OPCML: variants seen among roughly 807,000 people sequenced by gnomAD.
OPCML encodes opioid binding protein/cell adhesion molecule like, also known as opioid-binding protein/cell adhesion molecule.
A neutral mutation model predicts 37.8 loss-of-function variants in OPCML; 13 were observed. The observed-to-expected ratio is 0.34, with a 90% CI of 0.22 to 0.55. The LOEUF is 0.55. OPCML is among the 20% of genes least tolerant of loss of function. OPCML has a pLI of 0.91. For missense variants in OPCML, 341 were observed against 435.6 expected (o/e 0.78, Z 1.93); for synonymous variants, 176 against 168.8 (o/e 1.04, Z -0.33).
chr11:132,966,775 G>A (rs1218700162), intron 1 of OPCML, among the ~76,000 whole-genome samples: 1 of 151,970 alleles, frequency 6.6e-6, no homozygotes, highest in Admixed American at 6.5e-5. Context: ...TATTCCTGAT[G>A]GATTGACCCT....
intron 1 of OPCML, among the ~76,000 whole-genome samples, chr11:133,082,403 C>T (rs1948739523): frequency 1.5e-5 from 2 of 135,856 alleles, no homozygotes; most frequent in African/African-American, 5.5e-5. Flanking sequence ...TCCCCCGCAC[C>T]CCTCCTCTCC....
At chr11:132,636,928 G>C (rs796819873) in intron 3 of OPCML, among the ~76,000 whole-genome samples, 4 of 152,246 alleles carry the variant, frequency 2.6e-5, no homozygotes, top group African/African-American at 9.6e-5. Flanking sequence ...AAATTTCAAA[G>C]GTTCTAATAC....
chr11:132,486,861 C>A (rs1391519350), intron 4 of OPCML, among the ~76,000 whole-genome samples: 2 of 152,100 alleles, frequency 1.3e-5, no homozygotes, highest in African/African-American at 4.8e-5. Context: ...TATTTTGAAG[C>A]AATTAAAATT....
At chr11:132,933,463 G>T (rs1349843939) in intron 2 of OPCML, among the ~76,000 whole-genome samples, 1 of 152,192 alleles carries the variant, frequency 6.6e-6, no homozygotes, top group African/African-American at 2.4e-5. Context: ...TATTTAGGGA[G>T]ATATTAGTAT....
At chr11:133,274,808 C>A (rs1941947435) in intron 1 of OPCML, among the ~76,000 whole-genome samples, 2 of 152,316 alleles carry the variant, frequency 1.3e-5, no homozygotes, top group South Asian at 4.1e-4. Flanking sequence ...TAACTGAGTT[C>A]TCCCTTGGAA....
intron 1 of OPCML, among the ~76,000 whole-genome samples, chr11:133,281,420 G>A (rs1454758135): frequency 6.6e-6 from 1 of 152,084 alleles, no homozygotes; most frequent in African/African-American, 2.4e-5. Flanking sequence ...CATGTGACAT[G>A]CTGGGTCCCT....
In OPCML at chr11:133,140,946, C is replaced by A. The variant is rs529705321; in HGVS notation, c.62-197936G>T. On this transcript the variant is annotated intron_variant, in intron 1 of 7. Transcript: ENST00000524381. ...ACGACGACGACGAAGAAGAAGAAGA[C>A]GACGAAGAAGAAGAAGAAGAAGAAG... 5.6e-3 allele frequency among the ~76,000 whole-genome samples: 26 copies of A among 4,640 alleles called. 5 individuals are homozygous for A. Among genetic ancestry groups the A allele is most frequent in the African/African-American group, 6.8e-3 (17 of 2,504 alleles). 3.0% of individuals were successfully genotyped at this position (4,640 alleles called of 152,430 possible). A position where few individuals can be genotyped will look rare whatever the true frequency, so the allele number is the denominator to read the frequency against.
chr11:133,140,931 CGAAGAAGAA>C (rs1200737192), intron 1 of OPCML, among the ~76,000 whole-genome samples: 3 of 4,522 alleles, frequency 6.6e-4, no homozygotes, highest in African/African-American at 1.2e-3. Context: ...ACGACGACGA[CGAAGAAGAA>C]GAAGACGACG....
At chr11:132,994,365 G>A (rs1346646943) in intron 1 of OPCML, among the ~76,000 whole-genome samples, 1 of 152,222 alleles carries the variant, frequency 6.6e-6, no homozygotes, top group Non-Finnish European at 1.5e-5. Context: ...GTCAGCGTGA[G>A]TACACGGAGG....
chr11:132,522,929 G>A (rs1408501858), intron 4 of OPCML, among the ~76,000 whole-genome samples: 1 of 152,222 alleles, frequency 6.6e-6, no homozygotes, highest in Non-Finnish European at 1.5e-5. Flanking sequence ...AGCAGAAACA[G>A]TCATGGATCA....
intron 1 of OPCML, among the ~76,000 whole-genome samples, chr11:133,440,967 A>G (rs1946354731): frequency 1.3e-5 from 2 of 151,406 alleles, no homozygotes; most frequent in Non-Finnish European, 2.9e-5. Flanking sequence ...ACAAAGAAAC[A>G]GGAAATTGTC....
intron 1 of OPCML, among the ~76,000 whole-genome samples, chr11:133,038,405 C>G (rs1430482966): frequency 1.3e-5 from 2 of 152,168 alleles, no homozygotes; most frequent in African/African-American, 4.8e-5. Flanking sequence ...GTAATAAATT[C>G]CCTGCCTCAA....
At chr11:132,925,302 GT>G (rs1944950736) in intron 2 of OPCML, among the ~76,000 whole-genome samples, 1 of 152,186 alleles carries the variant, frequency 6.6e-6, no homozygotes, top group African/African-American at 2.4e-5. Context: ...TTCGAACTCT[GT>G]TTTTTGGCTT....
intron 1 of OPCML, among the ~76,000 whole-genome samples, chr11:133,503,159 A>G (rs776995363): frequency 6.6e-6 from 1 of 152,196 alleles, no homozygotes; most frequent in Non-Finnish European, 1.5e-5. Context: ...GAGTTTCAGA[A>G]AAATGTGCTG....
chr11:133,323,540 A>G (rs898140001), intron 1 of OPCML, among the ~76,000 whole-genome samples: 1 of 152,210 alleles, frequency 6.6e-6, no homozygotes, highest in Non-Finnish European at 1.5e-5. Context: ...CACTGAGGAC[A>G]GTTCTTGTGG....
intron 1 of OPCML, chr11:133,365,616 G>T (rs572799746): frequency 1.6e-4 from 25 of 152,194 alleles, no homozygotes; most frequent in Admixed American, 6.5e-4. Context: ...TGTATGGTAG[G>T]GTAAATGAAT....
At chr11:132,744,980 A>G (rs1437294452) in intron 2 of OPCML, among the ~76,000 whole-genome samples, 5 of 151,954 alleles carry the variant, frequency 3.3e-5, no homozygotes, top group Non-Finnish European at 7.4e-5. Flanking sequence ...TATTCGGGAT[A>G]TAGCAGAGCA....
intron 1 of OPCML, among the ~76,000 whole-genome samples, chr11:133,285,407 C>G (rs979205817): frequency 1.2e-4 from 19 of 152,152 alleles, no homozygotes; most frequent in African/African-American, 4.6e-4. Flanking sequence ...TGAATGGGAG[C>G]CGGACTGGAG....
intron 4 of OPCML, among the ~76,000 whole-genome samples, chr11:132,503,969 ATGCACCTT>A (rs1424537135): frequency 1.3e-5 from 2 of 152,196 alleles, no homozygotes; most frequent in Non-Finnish European, 2.9e-5. Context: ...GGTATCTTTT[ATGCACCTT>A]TGTTAAAAGC....
Sources: allele counts gnomAD v4.1 joint callset (sites outside exome capture counted in the v4.1 genomes callset), GRCh38; gene constraint gnomAD v4.1.1; transcripts MANE v1.5; gene names NCBI Gene and HGNC (gene_info 2026-07-23, HGNC 2026-07-21).